MYO9A: variants seen among roughly 807,000 people sequenced by gnomAD.
The protein encoded by MYO9A is unconventional myosin-IXa.
A neutral mutation model predicts 293.3 loss-of-function variants in MYO9A; 103 were observed. That is an observed-to-expected ratio of 0.35 (90% CI 0.30 to 0.41). The LOEUF is 0.41. MYO9A is among the 10% of genes least tolerant of loss of function. MYO9A has a pLI of 1.00. For missense variants in MYO9A, 2,685 were observed against 3,033.0 expected (o/e 0.89, Z 2.69); for synonymous variants, 1,001 against 1,035.7 (o/e 0.97, Z 0.64).
At position 71,848,908 on chromosome 15, in the gene MYO9A, G is replaced by T. The variant is rs185530887; in HGVS notation, c.6774C>A (p.Ile2258=). Residue 2258 remains isoleucine (I), a synonymous_variant, in exon 39 of 42, where the codon ATC becomes ATA. Coordinates refer to ENST00000356056, the MANE Select transcript of MYO9A (RefSeq NM_006901.4). ...TATTCTCAGCAAATTCCAAGCTACTGATATCTTTGAGACGAGCCTTGTATT... is the reference window on the plus strand; with the variant it reads ...TATTCTCAGCAAATTCCAAGCTACTTATATCTTTGAGACGAGCCTTGTATT... The part of the protein sequence containing the change: ...MNKYKARLKD[I]SSLEFAENKA... 89 of 1,612,446 alleles carry T rather than the reference G, an allele frequency of 5.5e-5. 2 individuals are homozygous for T. In the Admixed American group the frequency reaches 1.3e-3, roughly 23 times the overall value.
intron 14 of MYO9A, among the ~76,000 whole-genome samples, chr15:71,954,492 C>T (rs1193930177): frequency 2.0e-5 from 3 of 152,188 alleles, no homozygotes; most frequent in South Asian, 2.1e-4. Context: ...CGTAAGCCAC[C>T]GCACCCAGCC....
Position 71,898,477 on chromosome 15 carries a change from G to A in MYO9A, c.4026C>T (p.Ser1342=). Residue 1342 remains serine, a synonymous_variant, in exon 25 of 42, where the codon AGC becomes AGT. Coordinates refer to ENST00000356056, the MANE Select transcript of MYO9A (RefSeq NM_006901.4). ...ELLSYEESQK[S]KLESVISDEG... ...CATCTGAAATGACAGACTCTAGTTTGCTCTTTTGGCTTTCCTCATAGCTCA... is the reference window on the plus strand; with the variant it reads ...CATCTGAAATGACAGACTCTAGTTTACTCTTTTGGCTTTCCTCATAGCTCA... 1 of 1,613,994 alleles carries A rather than the reference G, an allele frequency of 6.2e-7. No homozygotes were observed. Among genetic ancestry groups the A allele is most frequent in the South Asian group, 1.1e-5 (1 of 91,078 alleles).
intron 1 of MYO9A, among the ~76,000 whole-genome samples, chr15:72,086,799 C>T (rs2079750289): frequency 6.6e-6 from 1 of 151,926 alleles, no homozygotes; most frequent in South Asian, 2.1e-4. Context: ...CAGAGTTTCA[C>T]TCTTGTTGCC....
At chr15:72,032,912 G>T (rs762669068) in intron 2 of MYO9A, among the ~76,000 whole-genome samples, 19 of 152,168 alleles carry the variant, frequency 1.2e-4, no homozygotes, top group Non-Finnish European at 2.2e-4. Context: ...GTGCAGTGGT[G>T]TGATTTCGGC....
intron 30 of MYO9A, among the ~76,000 whole-genome samples, chr15:71,879,181 A>G (rs1046848453): frequency 2.0e-5 from 3 of 152,200 alleles, no homozygotes; most frequent in Admixed American, 1.3e-4. Context: ...ATAAACACTA[A>G]TGCTTCTATA....
intron 4 of MYO9A, among the ~76,000 whole-genome samples, chr15:72,023,491 G>A (rs747803616): frequency 2.6e-5 from 4 of 151,936 alleles, no homozygotes; most frequent in Non-Finnish European, 2.9e-5. Flanking sequence ...TCAGGAGTTC[G>A]AGGCCAGCCT....
chr15:71,924,716 T>C (rs944395986), intron 18 of MYO9A, among the ~76,000 whole-genome samples: 3 of 152,010 alleles, frequency 2.0e-5, no homozygotes, highest in Non-Finnish European at 2.9e-5. Flanking sequence ...AGGTCAGGAA[T>C]TCGTGACCAG....
intron 6 of MYO9A, among the ~76,000 whole-genome samples, chr15:72,014,233 A>C (rs911796916): frequency 6.6e-6 from 1 of 152,230 alleles, no homozygotes; most frequent in Non-Finnish European, 1.5e-5. Flanking sequence ...TTAATAGTGT[A>C]GCTGGGATTC....
intron 1 of MYO9A, among the ~76,000 whole-genome samples, chr15:72,089,162 T>C (rs1360121324): frequency 6.6e-6 from 1 of 152,024 alleles, no homozygotes; most frequent in Non-Finnish European, 1.5e-5. Context: ...ATAATGGTTT[T>C]TGTTTTTGTT....
chr15:72,089,592 C>A (rs1316761724), intron 1 of MYO9A, among the ~76,000 whole-genome samples: 2 of 151,990 alleles, frequency 1.3e-5, no homozygotes, highest in South Asian at 2.1e-4. Context: ...CCAGTCTGGG[C>A]AACATAGTGA....
At chr15:71,903,855 A>C in intron 21 of MYO9A, 74 bp downstream of exon 21, 8 of 1,288,832 alleles carry the variant, frequency 6.2e-6, no homozygotes, top group Non-Finnish European at 8.8e-6. Context: ...GCCCCAAAGA[A>C]ATAATAAGCA....
chr15:72,060,073 CTGAGT>C (rs781393104), intron 1 of MYO9A, among the ~76,000 whole-genome samples: 3 of 152,292 alleles, frequency 2.0e-5, no homozygotes, highest in Non-Finnish European at 4.4e-5. Context: ...TATCATCTTC[CTGAGT>C]TATTATTTTG....
chr15:72,076,219 C>T lies in MYO9A; in HGVS notation c.-71-29585G>A, dbSNP rs561254272. ...ACTAGGGAGGTTGAGGCAGGAGAAT[C>T]GCTTAAACCTGGGAGGAAGAGGTTG... On this transcript the variant is annotated intron_variant, in intron 1 of 41. Coordinates refer to ENST00000356056, the MANE Select transcript of MYO9A (RefSeq NM_006901.4). Among the ~76,000 whole-genome samples, 33 of 151,326 alleles carry T rather than the reference C, an allele frequency of 2.2e-4. 1 individual carries two copies. Among genetic ancestry groups the T allele is most frequent in the Admixed American group, 1.8e-3 (28 of 15,182 alleles).
chr15:71,991,098 C>T lies in MYO9A; in HGVS notation c.1722+5G>A. On this transcript the variant is annotated splice_donor_5th_base_variant and intron_variant, in intron 11 of 41. Coordinates refer to ENST00000356056, the MANE Select transcript of MYO9A (RefSeq NM_006901.4). Reference sequence around the variant, plus strand: ...GGACAAGTGTATACATATTTAGGTACTCACTTGTTCCAATTTAAAGATATG... The same window carrying T: ...GGACAAGTGTATACATATTTAGGTATTCACTTGTTCCAATTTAAAGATATG... 1 of 1,589,290 alleles carries T rather than the reference C, an allele frequency of 6.3e-7. No individual in the cohort carries two copies. Among genetic ancestry groups the T allele is most frequent in the Non-Finnish European group, 8.6e-7 (1 of 1,169,170 alleles).
rs1173441308 is a variant in MYO9A at position 71,830,123 on chromosome 15, G to C, written c.7026C>G (p.Asn2342Lys). The C allele has an allele frequency of 6.2e-7, 1 of 1,613,816 alleles. No individual in the cohort carries two copies. The highest frequency in any genetic ancestry group is 2.2e-5 in the East Asian group (1 of 44,902). The change falls in exon 40 of 42, where the codon AAC becomes AAG. Residue 2342 changes from asparagine (N) to lysine (K), a missense_variant. Physicochemically the swap from Asn to Lys is moderately conservative, Grantham distance 94. Around this residue, in one of 10 missense-constraint regions of MYO9A, gnomAD observed 350 missense variants for 328.9 expected, o/e 1.06. Transcript: ENST00000356056. ...EERVLTEQIE[N>K]LQKEKEELTF... ...TGGATACTCACTTCTCCTTCTGTAG[G>C]TTCTCAATCTGCTCAGTCAGTACTC... is the stretch of plus-strand genomic sequence containing the variant.
chr15:71,984,694 T>C (rs1252875245), intron 11 of MYO9A, among the ~76,000 whole-genome samples: 1 of 152,250 alleles, frequency 6.6e-6, no homozygotes, highest in Non-Finnish European at 1.5e-5. Context: ...TACTAACCTG[T>C]ATCTTACTAT....
chr15:71,956,774 CATGTATGCTATATATGTATAT>C (rs2059207354), intron 14 of MYO9A, among the ~76,000 whole-genome samples: 1 of 148,632 alleles, frequency 6.7e-6, no homozygotes, highest in Non-Finnish European at 1.5e-5. Context: ...ATATATGTAG[CATGTATGCTATATATGTATAT>C]ATGTATGCTA....
Position 71,852,249 on chromosome 15 carries a change from C to T in MYO9A, c.6358G>A (p.Val2120Ile). 1.2e-6 allele frequency: 2 copies of T among 1,609,096 alleles called. No individual in the cohort carries two copies. Among genetic ancestry groups the T allele is most frequent in the African/African-American group, 1.3e-5 (1 of 74,944 alleles). ...RQGLDTDAES[V>I]NLDDYNIHVI... The stretch of plus-strand genomic sequence containing the variant: ...TGTATGTTATAGTCATCTAGATTTA[C>T]ACTCTCAGCATCTATTTAGAGACAA... The change falls in exon 36 of 42, where the codon GTA (valine) becomes ATA (isoleucine). Residue 2120 changes from valine (V) to isoleucine (I), a missense_variant. Val to Ile is a conservative substitution (Grantham distance 29). Coordinates refer to ENST00000356056, the MANE Select transcript of MYO9A (RefSeq NM_006901.4).
chr15:72,102,867 T>C (rs1467365675), intron 1 of MYO9A, among the ~76,000 whole-genome samples: 2 of 151,906 alleles, frequency 1.3e-5, no homozygotes. Context: ...ATAAAAGGTA[T>C]AAGGATTAGA....
Sources: allele counts gnomAD v4.1 joint callset (sites outside exome capture counted in the v4.1 genomes callset), GRCh38; gene constraint gnomAD v4.1.1; regional missense constraint gnomAD v4.1.1; transcripts MANE v1.5; gene names NCBI Gene and HGNC (gene_info 2026-07-23, HGNC 2026-07-21).